The following TBC1D10B variants were observed in gnomAD, a reference collection of about 807,000 sequenced individuals.
TBC1D10B encodes the protein TBC1 domain family member 10B, also known as Rab27A-GAPbeta.
Under a neutral mutation model 78.4 loss-of-function variants are expected in TBC1D10B, and 25 were observed. The observed-to-expected ratio is 0.32, with a 90% CI of 0.23 to 0.45. The LOEUF is 0.45. TBC1D10B is among the 20% of genes least tolerant of loss of function. TBC1D10B has a pLI of 1.00. For missense variants in TBC1D10B, 996 were observed against 1,104.8 expected (o/e 0.90, Z 1.40); for synonymous variants, 517 against 478.0 (o/e 1.08, Z -1.06).
Position 30,358,068 on chromosome 16 carries a change from T to G in TBC1D10B, c.2303A>C (p.Gln768Pro). The change falls in exon 9 of 9, where the codon CAG becomes CCG. Residue 768 changes from glutamine (Q) to proline (P), a missense_variant. By Grantham distance (76) the Gln-to-Pro change is moderately conservative. Transcript: ENST00000409939. ...KEREKQEKER[Q>P]KQEKKAQGRK... ...GCCTTGAGCCTTCTTCTCCTGCTTC[T>G]GCCGCTCCTTCTCCTGCTTCTCTCG... 1 of 1,551,886 alleles carries G rather than the reference T, an allele frequency of 6.4e-7. No individual in the cohort carries two copies. The highest frequency in any genetic ancestry group is 8.7e-7 in the Non-Finnish European group (1 of 1,146,936).
chr16:30,361,274 C>T (rs1485823475), intron 4 of TBC1D10B, among the ~76,000 whole-genome samples: 1 of 152,174 alleles, frequency 6.6e-6, no homozygotes, highest in African/African-American at 2.4e-5. Flanking sequence ...GCCTGGGCGA[C>T]AGTCAAGCTC....
In TBC1D10B at chr16:30,365,324, T is replaced by C. The variant is rs191378847; in HGVS notation, c.1057-112A>G. On this transcript the variant is annotated intron_variant, in intron 2 of 8. Transcript: ENST00000409939. The surrounding 1 kb of genome is among the most constrained non-coding windows in gnomAD (Gnocchi z 5.0). ...CTCCTCCGACATCCCATAGGCTTGA[T>C]TCCACTGGACCTGGCCTGGACTTCT... 2 of 1,232,170 alleles carry C rather than the reference T, an allele frequency of 1.6e-6. No homozygotes were observed. Among genetic ancestry groups the C allele is most frequent in the Admixed American group, 3.8e-5 (2 of 52,356 alleles). The allele number at this position is 1,232,170 out of a possible 1,614,324, so 76.3% of individuals were successfully genotyped here.
intron 5 of TBC1D10B, 44 bp from the exon 6 acceptor site, chr16:30,359,647 C>G (rs773664870): frequency 3.9e-5 from 61 of 1,554,018 alleles, no homozygotes; most frequent in Non-Finnish European, 5.0e-5. Context: ...GCCTGAGAAG[C>G]AGGGAGCAGG....
Position 30,359,582 on chromosome 16 carries a change from G to C in TBC1D10B, c.1408C>G (p.Gln470Glu). Reference protein sequence around the residue: ...PAEQAFWCLVQICDKYLPGYY... With the variant: ...PAEQAFWCLVEICDKYLPGYY... ...CCTGGGAGGTACTTGTCGCAGATCTGCACCAGGCACCAAAAGGCTTGCTGA... is the reference window on the plus strand; with the variant it reads ...CCTGGGAGGTACTTGTCGCAGATCTCCACCAGGCACCAAAAGGCTTGCTGA... The change falls in exon 6 of 9, where the codon CAG becomes GAG. Residue 470 changes from glutamine (Q) to glutamate (E), a missense_variant. Coordinates refer to ENST00000409939, the MANE Select transcript of TBC1D10B (RefSeq NM_015527.4). The C allele has an allele frequency of 6.4e-7, 1 of 1,562,476 alleles. No homozygotes were observed. Among genetic ancestry groups the C allele is most frequent in the Non-Finnish European group, 8.7e-7 (1 of 1,153,468 alleles).
Position 30,357,176 on chromosome 16 carries a change from T to C in TBC1D10B, c.*768A>G, listed in dbSNP as rs1460620937. Reference sequence around the variant, plus strand: ...GTGGGGGCAGAGACAGAAGAGAATGTAAACATTGGGTTCCACCCCCTGGAG... The same window carrying C: ...GTGGGGGCAGAGACAGAAGAGAATGCAAACATTGGGTTCCACCCCCTGGAG... On this transcript the variant is annotated 3_prime_UTR_variant, in exon 9 of 9. Coordinates refer to ENST00000409939, the MANE Select transcript of TBC1D10B (RefSeq NM_015527.4). 1 of 152,778 alleles carries C rather than the reference T, an allele frequency of 6.5e-6. No homozygotes were observed. The highest frequency in any genetic ancestry group is 2.4e-5 in the African/African-American group (1 of 41,404). 9.5% of individuals were successfully genotyped at this position (152,778 alleles called of 1,614,324 possible).
At chr16:30,364,530 A>G (rs1461762982) in intron 4 of TBC1D10B, among the ~76,000 whole-genome samples, 1 of 152,176 alleles carries the variant, frequency 6.6e-6, no homozygotes, top group Non-Finnish European at 1.5e-5. Context: ...TGACATCTGG[A>G]GGAAGCTTGG....
At chr16:30,367,506 CAA>C (rs1195682934) in intron 1 of TBC1D10B, 2 of 152,154 alleles carry the variant, frequency 1.3e-5, no homozygotes, top group Middle Eastern at 3.2e-3. Flanking sequence ...AAAGATGCAC[CAA>C]AGACACATCT....
chr16:30,365,370 G>A lies in TBC1D10B; in HGVS notation c.1056+125C>T, dbSNP rs4500754. 132,925 of 1,311,418 alleles carry A rather than the reference G, an allele frequency of 0.1. 8,236 individuals carry two copies. The highest frequency in any genetic ancestry group is 0.13 in the Non-Finnish European group (117,365 of 914,500). 81.2% of individuals were successfully genotyped at this position (1,311,418 alleles called of 1,614,324 possible). A position where few individuals can be genotyped will look rare whatever the true frequency, so the allele number is the denominator to read the frequency against. On this transcript the variant is annotated intron_variant, in intron 2 of 8. Coordinates refer to ENST00000409939, the MANE Select transcript of TBC1D10B (RefSeq NM_015527.4). The surrounding 1 kb of genome is among the most constrained non-coding windows in gnomAD (Gnocchi z 5.0). ...CTTCTATTTTTAAAGCCATTCCCCC[G>A]CCAGGGCCCATCTATCCCCAGTGTG...
Position 30,357,562 on chromosome 16 carries a change from A to G in TBC1D10B, c.*382T>C. The G allele has an allele frequency of 4.1e-6, 1 of 246,006 alleles. No individual in the cohort carries two copies. Among genetic ancestry groups the G allele is most frequent in the Non-Finnish European group, 7.9e-6 (1 of 125,996 alleles). 15.2% of individuals were successfully genotyped at this position (246,006 alleles called of 1,614,324 possible). A position where few individuals can be genotyped will look rare whatever the true frequency, so the allele number is the denominator to read the frequency against. ...ACAGGGAGGGCTGAAGACAGGGAAA[A>G]GGAAGCCAGCTCCACCTCATGGTAA... On this transcript the variant is annotated 3_prime_UTR_variant, in exon 9 of 9. Coordinates refer to ENST00000409939, the MANE Select transcript of TBC1D10B (RefSeq NM_015527.4).
Position 30,359,588 on chromosome 16 carries a change from G to T in TBC1D10B, c.1402C>A (p.Leu468Met). The change falls in exon 6 of 9, where the codon CTG becomes ATG. Residue 468 changes from leucine (L) to methionine (M), a missense_variant. Physicochemically the swap from Leu to Met is conservative, Grantham distance 15. Around this residue, in one of 5 missense-constraint regions of TBC1D10B, gnomAD observed 168 missense variants for 238.7 expected, o/e 0.70. Coordinates refer to ENST00000409939, the MANE Select transcript of TBC1D10B (RefSeq NM_015527.4). ...AGGTACTTGTCGCAGATCTGCACCA[G>T]GCACCAAAAGGCTTGCTGAGAAGAG... is the stretch of plus-strand genomic sequence containing the variant. ...HMPAEQAFWC[L>M]VQICDKYLPG... 1 of 1,562,036 alleles carries T rather than the reference G, an allele frequency of 6.4e-7. No homozygotes were observed. The highest frequency in any genetic ancestry group is 8.7e-7 in the Non-Finnish European group (1 of 1,153,160).
intron 4 of TBC1D10B, among the ~76,000 whole-genome samples, chr16:30,363,024 G>C (rs1174468370): frequency 6.6e-6 from 1 of 152,146 alleles, no homozygotes; most frequent in Admixed American, 6.6e-5. Flanking sequence ...GCGACAGAGC[G>C]AGACTCCGTC....
At position 30,365,653 on chromosome 16, in the gene TBC1D10B, A is replaced by AG. The variant is rs1339924495; in HGVS notation, c.957-60dup. ...AGCAATAGTGTAAAACCTGCATTGC[A>AG]GGGGGAACTGAGGCAAGCCACCTCC... On this transcript the variant is annotated intron_variant, in intron 1 of 8. Transcript: ENST00000409939. This position sits in a 1 kb window ranked among gnomAD's most constrained non-coding sequence, Gnocchi z 5.0. The AG allele has an allele frequency of 1.9e-5, 29 of 1,522,746 alleles. No homozygotes were observed. Among genetic ancestry groups the AG allele is most frequent in the Middle Eastern group, 3.4e-4 (2 of 5,888 alleles). 94.3% of individuals were successfully genotyped at this position (1,522,746 alleles called of 1,614,324 possible).
At position 30,359,757 on chromosome 16, in the gene TBC1D10B, A is replaced by G; in HGVS notation, c.1356T>C (p.Ala452=). The change falls in exon 5 of 9, where the codon GCT becomes GCC. Residue 452 remains alanine, a synonymous_variant. Transcript: ENST00000409939. ...CAGGCATGTGCATGAGCAGGACCGC[A>G]GCCACGGGGGCCTGGGCCTGGCAGT... ...EGYCQAQAPV[A]AVLLMHMPAE... is the part of the protein sequence containing the mutation. 1.9e-6 allele frequency: 3 copies of G among 1,590,280 alleles called. No homozygotes were observed. Among genetic ancestry groups the G allele is most frequent in the Non-Finnish European group, 2.6e-6 (3 of 1,168,400 alleles).
Position 30,370,239 on chromosome 16 carries a change from C to A in TBC1D10B, c.-56G>T. The A allele has an allele frequency of 1.1e-6, 1 of 951,358 alleles. No individual in the cohort carries two copies. The highest frequency in any genetic ancestry group is 1.3e-6 in the Non-Finnish European group (1 of 762,572). The allele number at this position is 951,358 out of a possible 1,614,324, so 58.9% of individuals were successfully genotyped here. On this transcript the variant is annotated 5_prime_UTR_variant, in exon 1 of 9. Transcript: ENST00000409939. ...CGGGGAGGCCGCAGAAGGCGCCGCCCCTCGGGCCTCCCGGCGAGGCCAGCC... is the reference window on the plus strand; with the variant it reads ...CGGGGAGGCCGCAGAAGGCGCCGCCACTCGGGCCTCCCGGCGAGGCCAGCC...
chr16:30,363,693 C>T (rs903353065), intron 4 of TBC1D10B, among the ~76,000 whole-genome samples: 1 of 152,148 alleles, frequency 6.6e-6, no homozygotes, highest in East Asian at 1.9e-4. Context: ...ATTGTTTGTC[C>T]CCACTAAAAT....
chr16:30,357,597 T>C lies in TBC1D10B; in HGVS notation c.*347A>G, dbSNP rs2049561706. ...CTCCACCTCATGGTAAGGGGAGCTA[T>C]GGAGTGTAAGAATCTGAAACTGCTG... On this transcript the variant is annotated 3_prime_UTR_variant, in exon 9 of 9. Transcript: ENST00000409939. The C allele has an allele frequency of 2.9e-6, 1 of 339,950 alleles. No individual in the cohort carries two copies. Among genetic ancestry groups the C allele is most frequent in the African/African-American group, 2.0e-5 (1 of 48,786 alleles). 21.1% of individuals were successfully genotyped at this position (339,950 alleles called of 1,614,324 possible).
At position 30,370,010 on chromosome 16, in the gene TBC1D10B, C is replaced by T; in HGVS notation, c.174G>A (p.Ala58=). 1 of 1,232,352 alleles carries T rather than the reference C, an allele frequency of 8.1e-7. No homozygotes were observed. The highest frequency in any genetic ancestry group is 1.0e-6 in the Non-Finnish European group (1 of 988,000). 76.3% of individuals were successfully genotyped at this position (1,232,352 alleles called of 1,614,324 possible). A position where few individuals can be genotyped will look rare whatever the true frequency, so the allele number is the denominator to read the frequency against. The stretch of plus-strand genomic sequence containing the variant: ...CCGACCCCGGGACCCAGGCGGGCCG[C>T]GCCTCCCCGGGGGCCACCAGGGTGA... ...APVTLVAPGE[A]RPAWVPGSAE... The change falls in exon 1 of 9, where the codon GCG becomes GCA. Residue 58 remains alanine, a synonymous_variant. Coordinates refer to ENST00000409939, the MANE Select transcript of TBC1D10B (RefSeq NM_015527.4).
At chr16:30,368,776 G>T (rs902402494) in intron 1 of TBC1D10B, among the ~76,000 whole-genome samples, 1 of 152,182 alleles carries the variant, frequency 6.6e-6, no homozygotes, top group Non-Finnish European at 1.5e-5. Flanking sequence ...GGGGAAGGGA[G>T]ATGCCTGCAC....
rs1403862371 is a variant in TBC1D10B, at chr16:30,370,476, G to C, written c.-293C>G. On this transcript the variant is annotated 5_prime_UTR_variant, in exon 1 of 9. Coordinates refer to ENST00000409939, the MANE Select transcript of TBC1D10B (RefSeq NM_015527.4). ...GCGCCTGCGCACACGCCGCAGAGCCGGCTCCGCGCCAGCGTCTCGGCGTTC... is the reference window on the plus strand; with the variant it reads ...GCGCCTGCGCACACGCCGCAGAGCCCGCTCCGCGCCAGCGTCTCGGCGTTC... 6.6e-6 allele frequency among the ~76,000 whole-genome samples: 1 copy of C among 152,094 alleles called. No individual in the cohort carries two copies. Among genetic ancestry groups the C allele is most frequent in the African/African-American group, 2.4e-5 (1 of 41,442 alleles).
Sources: allele counts gnomAD v4.1 joint callset (sites outside exome capture counted in the v4.1 genomes callset), GRCh38; gene constraint gnomAD v4.1.1; regional missense constraint gnomAD v4.1.1; non-coding constraint Gnocchi (gnomAD v3.1); transcripts MANE v1.5; gene names NCBI Gene and HGNC (gene_info 2026-07-23, HGNC 2026-07-21).